The following RAI1 variants were observed in gnomAD, a reference collection of about 807,000 sequenced individuals.
The protein encoded by RAI1 is retinoic acid induced 1.
In RAI1, 9 loss-of-function variants were observed where a neutral mutation model predicts 123.8. The observed-to-expected ratio is 0.07, with a 90% CI of 0.04 to 0.13. RAI1 has a LOEUF of 0.13. RAI1 is among the 10% of genes least tolerant of loss of function. The pLI is 1.00. For missense variants in RAI1, 2,256 were observed against 2,545.8 expected (o/e 0.89, Z 2.45); for synonymous variants, 1,231 against 1,127.3 (o/e 1.09, Z -1.84).
intron 2 of RAI1, among the ~76,000 whole-genome samples, chr17:17,767,214 T>C (rs1458851742): frequency 6.6e-6 from 1 of 152,118 alleles, no homozygotes; most frequent in African/African-American, 2.4e-5. Context: ...TACTGAATCC[T>C]CAACAAAGAA....
At chr17:17,703,490 T>C (rs980020339) in intron 1 of RAI1, among the ~76,000 whole-genome samples, 3 of 152,042 alleles carry the variant, frequency 2.0e-5, no homozygotes, top group African/African-American at 4.8e-5. Context: ...ATAACCTTTT[T>C]GGGGTGGGGA....
At chr17:17,727,342 C>T (rs532935113) in intron 2 of RAI1, among the ~76,000 whole-genome samples, 2 of 152,216 alleles carry the variant, frequency 1.3e-5, no homozygotes, top group African/African-American at 2.4e-5. Context: ...TATGCAGCAG[C>T]GAAGACCCAG....
chr17:17,723,515 G>A (rs1299940949), intron 1 of RAI1, among the ~76,000 whole-genome samples: 1 of 150,192 alleles, frequency 6.7e-6, no homozygotes, highest in Non-Finnish European at 1.5e-5. Context: ...ACATACACAC[G>A]CCTGCGCGCG....
rs141757356 is a variant in RAI1, at chr17:17,795,855, C to T, written c.2907C>T (p.Asp969=). 1,878 of 1,613,106 alleles carry T rather than the reference C, an allele frequency of 1.2e-3. 8 individuals carry two copies. The African/African-American group carries it at 0.014, about 12-fold the overall frequency. ...ERAPGDSTTS[D]ASLAQKPNKP... ...CTCCAGGGGATTCCACCACCTCGGA[C>T]GCCTCTCTGGCCCAGAAGCCCAACA... Residue 969 remains aspartate, a synonymous_variant, in exon 3 of 6, where the codon GAC becomes GAT. Coordinates refer to ENST00000353383, the MANE Select transcript of RAI1 (RefSeq NM_030665.4). The surrounding 1 kb of genome is among the most constrained non-coding windows in gnomAD (Gnocchi z 5.9).
intron 3 of RAI1, among the ~76,000 whole-genome samples, chr17:17,802,573 G>A (rs1208044826): frequency 6.6e-6 from 1 of 151,698 alleles, no homozygotes; most frequent in Non-Finnish European, 1.5e-5. Context: ...TCAGGAGATC[G>A]AGACCATCCT....
At chr17:17,748,175 C>CT (rs1337621721) in intron 2 of RAI1, among the ~76,000 whole-genome samples, 1 of 152,250 alleles carries the variant, frequency 6.6e-6, no homozygotes, top group Admixed American at 6.5e-5. Context: ...CTAACACTGA[C>CT]TGTGTGGCCT....
intron 1 of RAI1, among the ~76,000 whole-genome samples, chr17:17,698,012 C>G (rs539911904): frequency 1.3e-5 from 2 of 152,178 alleles, no homozygotes; most frequent in Non-Finnish European, 2.9e-5. Flanking sequence ...CCTGGGTGAG[C>G]ACTGACAACA....
At chr17:17,694,197 G>T (rs1384160235) in intron 1 of RAI1, among the ~76,000 whole-genome samples, 1 of 152,148 alleles carries the variant, frequency 6.6e-6, no homozygotes, top group Non-Finnish European at 1.5e-5. Flanking sequence ...GTCTTTGACC[G>T]GGGAGGCAGC....
rs760919336 is a variant in RAI1, at chr17:17,796,678, C to CGCA, written c.3746_3748dup (p.Ser1249dup). 2.7e-5 allele frequency: 44 copies of CGCA among 1,612,062 alleles called. No homozygotes were observed. Among genetic ancestry groups the CGCA allele is most frequent in the African/African-American group, 6.7e-5 (5 of 74,850 alleles). On this transcript the variant is annotated inframe_insertion, in exon 3 of 6. Transcript: ENST00000353383. This position sits in a 1 kb window ranked among gnomAD's most constrained non-coding sequence, Gnocchi z 5.8. ...GAAGCGGAACCTGGTCTTGCGGAGC[C>CGCA]GCAGCAGCAGCAGCAGCAACGCCAG...
At chr17:17,752,537 A>G (rs2030242841) in intron 2 of RAI1, among the ~76,000 whole-genome samples, 1 of 152,118 alleles carries the variant, frequency 6.6e-6, no homozygotes, top group African/African-American at 2.4e-5. Flanking sequence ...GCCCCGAACA[A>G]AGGACGCCTC....
At position 17,811,277 on chromosome 17, in the gene RAI1, G is replaced by A. The variant is rs2032789070; in HGVS notation, c.*1296G>A. ...TATACATATATATAATATATATGAAGACTGTAAATGTTAAGACGACTAGTG... is the reference window on the plus strand; with the variant it reads ...TATACATATATATAATATATATGAAAACTGTAAATGTTAAGACGACTAGTG... On this transcript the variant is annotated 3_prime_UTR_variant, in exon 6 of 6. Coordinates refer to ENST00000353383, the MANE Select transcript of RAI1 (RefSeq NM_030665.4). 3.2e-6 allele frequency: 1 copy of A among 313,832 alleles called. No individual in the cohort carries two copies. Among genetic ancestry groups the A allele is most frequent in the Middle Eastern group, 9.5e-4 (1 of 1,048 alleles). 19.4% of individuals were successfully genotyped at this position (313,832 alleles called of 1,614,324 possible).
Position 17,714,445 on chromosome 17 carries a change from T to G in RAI1, c.-148-9583T>G, listed in dbSNP as rs1057044578. Reference sequence around the variant, plus strand: ...GGAATTTGATACTAATCCTGGAGATTGAAAACTCAAACCTCTCCATAGGCC... The same window carrying G: ...GGAATTTGATACTAATCCTGGAGATGGAAAACTCAAACCTCTCCATAGGCC... On this transcript the variant is annotated intron_variant, in intron 1 of 5. Transcript: ENST00000353383. The surrounding 1 kb of genome is among the most constrained non-coding windows in gnomAD (Gnocchi z 4.9). Among the ~76,000 whole-genome samples the G allele has an allele frequency of 7.9e-5, 12 of 152,162 alleles. No homozygotes were observed. Among genetic ancestry groups the G allele is most frequent in the African/African-American group, 2.9e-4 (12 of 41,432 alleles).
chr17:17,688,961 A>AT lies in RAI1; in HGVS notation c.-149+7180dup, dbSNP rs566362698. Among the ~76,000 whole-genome samples, 685 of 131,184 alleles carry AT rather than the reference A, an allele frequency of 5.2e-3. 3 individuals are homozygous for AT. The highest frequency in any genetic ancestry group is 0.013 in the African/African-American group (463 of 35,210). 86.1% of individuals were successfully genotyped at this position (131,184 alleles called of 152,430 possible). On this transcript the variant is annotated intron_variant, in intron 1 of 5. Coordinates refer to ENST00000353383, the MANE Select transcript of RAI1 (RefSeq NM_030665.4). ...AGAAGAGATCACCATTATGATTATT[A>AT]TTTTTTTTTTTTGAGCCGGAGTGTT...
chr17:17,686,674 G>C (rs1914652435), intron 1 of RAI1, among the ~76,000 whole-genome samples: 2 of 151,522 alleles, frequency 1.3e-5, no homozygotes, highest in African/African-American at 2.4e-5. Flanking sequence ...AGGTGGAGTG[G>C]GGGTGGAGGA....
chr17:17,734,279 ATT>A (rs5819622), intron 2 of RAI1, among the ~76,000 whole-genome samples: 3 of 148,476 alleles, frequency 2.0e-5, no homozygotes, highest in Non-Finnish European at 3.0e-5. Flanking sequence ...TCTCTCTACA[ATT>A]TTTTTTTTTT....
chr17:17,684,724 A>G (rs1914572802), intron 1 of RAI1: 4 of 142,890 alleles, frequency 2.8e-5, no homozygotes, highest in South Asian at 2.2e-4. Flanking sequence ...ATGTATGTAT[A>G]TTACATATAC....
At chr17:17,691,639 G>C (rs898409633) in intron 1 of RAI1, among the ~76,000 whole-genome samples, 90 of 152,314 alleles carry the variant, frequency 5.9e-4, no homozygotes, top group Middle Eastern at 3.4e-3. Flanking sequence ...CCTGGTGTGT[G>C]CCCGGGGAGA....
At chr17:17,717,821 G>A (rs1221129262) in intron 1 of RAI1, among the ~76,000 whole-genome samples, 4 of 152,180 alleles carry the variant, frequency 2.6e-5, no homozygotes, top group African/African-American at 4.8e-5. Context: ...CCAGTCACAC[G>A]CCTGCAGGCG....
rs1407964995 is a variant in RAI1 at position 17,799,888 on chromosome 17, A to G, written c.5565+1375A>G. Among the ~76,000 whole-genome samples the G allele has an allele frequency of 6.6e-6, 1 of 151,682 alleles. No individual in the cohort carries two copies. The highest frequency in any genetic ancestry group is 1.5e-5 in the Non-Finnish European group (1 of 67,904). On this transcript the variant is annotated intron_variant, in intron 3 of 5. Coordinates refer to ENST00000353383, the MANE Select transcript of RAI1 (RefSeq NM_030665.4). The surrounding 1 kb of genome is among the most constrained non-coding windows in gnomAD (Gnocchi z 4.5). ...AGTTGCCGTGGCATTGCCTGGCCAAACCAAGGTCCCGGTGGGGGCCCACTG... is the reference window on the plus strand; with the variant it reads ...AGTTGCCGTGGCATTGCCTGGCCAAGCCAAGGTCCCGGTGGGGGCCCACTG...
Sources: allele counts gnomAD v4.1 joint callset (sites outside exome capture counted in the v4.1 genomes callset), GRCh38; gene constraint gnomAD v4.1.1; non-coding constraint Gnocchi (gnomAD v3.1); transcripts MANE v1.5; gene names NCBI Gene and HGNC (gene_info 2026-07-23, HGNC 2026-07-21).